The following SORCS2 variants were observed in gnomAD, a reference collection of about 807,000 sequenced individuals.
The protein encoded by SORCS2 is VPS10 domain-containing receptor SorCS2.
Under a neutral mutation model 141.6 loss-of-function variants are expected in SORCS2, and 100 were observed. The observed-to-expected ratio is 0.71, with a 90% CI of 0.60 to 0.83. The LOEUF (loss-of-function observed/expected upper bound fraction) is 0.83, where lower values mean the gene tolerates loss of function less well. Ranked by LOEUF, SORCS2 falls within the 40% of genes least tolerant of loss-of-function variation. The pLI, the probability that SORCS2 is intolerant of heterozygous loss-of-function variation, is 0.00. For missense variants in SORCS2, 1,646 were observed against 1,560.2 expected (o/e 1.05, Z -0.93); for synonymous variants, 789 against 676.9 (o/e 1.17, Z -2.57).
intron 11 of SORCS2, among the ~76,000 whole-genome samples, chr4:7,696,478 C>T (rs1485173761): frequency 1.3e-5 from 2 of 152,228 alleles, no homozygotes; most frequent in Non-Finnish European, 2.9e-5. Context: ...ACAGGAGACT[C>T]ACGTGGGTTC....
At chr4:7,466,941 T>C (rs1484287873) in intron 2 of SORCS2, among the ~76,000 whole-genome samples, 1 of 152,116 alleles carries the variant, frequency 6.6e-6, no homozygotes, top group Non-Finnish European at 1.5e-5. Flanking sequence ...CTGCTGCCTT[T>C]CTCTTTGGAG....
In SORCS2 at chr4:7,719,028, T is replaced by A. The variant is rs531782378; in HGVS notation, c.2424+845T>A. 2.6e-5 allele frequency among the ~76,000 whole-genome samples: 4 copies of A among 152,170 alleles called. No individual in the cohort carries two copies. In the South Asian group the frequency reaches 6.2e-4, roughly 24 times the overall value. On this transcript the variant is annotated intron_variant, in intron 18 of 26. Transcript: ENST00000507866. ...GATGACAGAAAAGGGCAAAAGAGGG[T>A]TCGATGCATCCGTGTCGCACCCGGA...
At chr4:7,250,257 A>AAG (rs1713402154) in intron 1 of SORCS2, among the ~76,000 whole-genome samples, 1 of 152,056 alleles carries the variant, frequency 6.6e-6, no homozygotes, top group South Asian at 2.1e-4. Context: ...GAAAGAAAGA[A>AAG]AGAAAGAAAG....
intron 1 of SORCS2, among the ~76,000 whole-genome samples, chr4:7,382,403 G>T (rs1723044139): frequency 6.6e-6 from 1 of 152,050 alleles, no homozygotes; most frequent in Non-Finnish European, 1.5e-5. Flanking sequence ...CAGGGTTAAT[G>T]CCCCTGTAAG....
At chr4:7,699,982 C>T (rs1724957787) in intron 12 of SORCS2, among the ~76,000 whole-genome samples, 1 of 152,188 alleles carries the variant, frequency 6.6e-6, no homozygotes, top group Non-Finnish European at 1.5e-5. Context: ...TGTGACTCCC[C>T]AATCAAGCCT....
At chr4:7,461,310 C>T (rs952933693) in intron 2 of SORCS2, among the ~76,000 whole-genome samples, 1 of 152,182 alleles carries the variant, frequency 6.6e-6, no homozygotes, top group African/African-American at 2.4e-5. Flanking sequence ...GGAGCCCCCG[C>T]CCTCCTTCCC....
chr4:7,260,374 T>G (rs1714237930), intron 1 of SORCS2, among the ~76,000 whole-genome samples: 1 of 151,686 alleles, frequency 6.6e-6, no homozygotes, highest in Non-Finnish European at 1.5e-5. Flanking sequence ...CCTCCAAGCC[T>G]CCTCCCACCT....
chr4:7,659,112 T>A (rs1426237485), intron 5 of SORCS2, among the ~76,000 whole-genome samples: 1 of 151,854 alleles, frequency 6.6e-6, no homozygotes, highest in East Asian at 1.9e-4. Flanking sequence ...TCCCAGGGAG[T>A]CTTGCTTTGC....
chr4:7,280,987 C>T lies in SORCS2; in HGVS notation c.480+87861C>T, dbSNP rs1458236805. Among the ~76,000 whole-genome samples the T allele has an allele frequency of 7.9e-5, 12 of 152,196 alleles. 1 individual carries two copies. Among genetic ancestry groups the T allele is most frequent in the Admixed American group, 3.9e-4 (6 of 15,278 alleles). ...GCCCTTTCTCCCACTGCCCAAAGAG[C>T]CCAGTGTGAGGACTTAATTAGTTGA... On this transcript the variant is annotated intron_variant, in intron 1 of 26. Coordinates refer to ENST00000507866, the MANE Select transcript of SORCS2 (RefSeq NM_020777.3).
intron 10 of SORCS2, among the ~76,000 whole-genome samples, chr4:7,687,256 C>T (rs190392128): frequency 7.9e-5 from 12 of 152,294 alleles, no homozygotes; most frequent in African/African-American, 2.6e-4. Flanking sequence ...ATTAGAGCTC[C>T]CTTCTGCAGC....
intron 1 of SORCS2, among the ~76,000 whole-genome samples, chr4:7,283,832 G>C (rs1716036981): frequency 6.6e-6 from 1 of 152,108 alleles, no homozygotes; most frequent in Non-Finnish European, 1.5e-5. Flanking sequence ...GGCAGGACCA[G>C]AACCTGGGGA....
At chr4:7,475,576 C>T (rs943165196) in intron 2 of SORCS2, among the ~76,000 whole-genome samples, 7 of 152,212 alleles carry the variant, frequency 4.6e-5, no homozygotes, top group Non-Finnish European at 1.0e-4. Context: ...CCCAGGGAAC[C>T]CAGGATCCTG....
At chr4:7,519,139 G>T (rs1316548885) in intron 2 of SORCS2, among the ~76,000 whole-genome samples, 1 of 152,214 alleles carries the variant, frequency 6.6e-6, no homozygotes, top group Non-Finnish European at 1.5e-5. Context: ...TCTGCTGGAG[G>T]TTGACAAGGC....
intron 1 of SORCS2, among the ~76,000 whole-genome samples, chr4:7,256,918 C>T (rs908218343): frequency 9.9e-5 from 15 of 152,120 alleles, no homozygotes; most frequent in Non-Finnish European, 1.6e-4. Context: ...GCACCGGCCC[C>T]AGCCACCCAT....
At chr4:7,394,494 C>T (rs1390788157) in intron 1 of SORCS2, among the ~76,000 whole-genome samples, 1 of 140,640 alleles carries the variant, frequency 7.1e-6, no homozygotes, top group Non-Finnish European at 1.5e-5. Context: ...GAAGGTTCAG[C>T]AGGAATTCAC....
intron 3 of SORCS2, among the ~76,000 whole-genome samples, chr4:7,637,783 A>G (rs1204893574): frequency 1.3e-5 from 2 of 151,742 alleles, no homozygotes; most frequent in African/African-American, 4.8e-5. Context: ...GTTGGGGGTG[A>G]ACCTGCCATT....
chr4:7,504,046 C>A (rs1577668615), intron 2 of SORCS2, among the ~76,000 whole-genome samples: 1 of 152,220 alleles, frequency 6.6e-6, no homozygotes, highest in Non-Finnish European at 1.5e-5. Context: ...GCTTTCCCAC[C>A]CCTGACCTCA....
rs748086651 is a variant in SORCS2, at chr4:7,714,277, G to C, written c.2027G>C (p.Arg676Pro). 1.2e-6 allele frequency: 2 copies of C among 1,610,170 alleles called. No individual in the cohort carries two copies. Among genetic ancestry groups the C allele is most frequent in the African/African-American group, 2.7e-5 (2 of 74,994 alleles). ...ATCATGGGCCAGCAGAGAAGTTTCC[G>C]GAAAAGAAAGTCCACGTCCTGGTGC... ...RCIMGQQRSFRKRKSTSWCIK... is the reference protein window; with the variant it reads ...RCIMGQQRSFPKRKSTSWCIK... The change falls in exon 16 of 27, where the codon CGG becomes CCG. Residue 676 changes from arginine to proline, a missense_variant. Transcript: ENST00000507866.
Position 7,740,496 on chromosome 4 carries a change from G to C in SORCS2, c.*232G>C, listed in dbSNP as rs1712584153. The C allele has an allele frequency of 7.1e-6, 4 of 560,588 alleles. 1 individual carries two copies. The South Asian group carries it at 8.4e-5, about 12-fold the overall frequency. 34.7% of individuals were successfully genotyped at this position (560,588 alleles called of 1,614,324 possible). On this transcript the variant is annotated 3_prime_UTR_variant, in exon 27 of 27. Coordinates refer to ENST00000507866, the MANE Select transcript of SORCS2 (RefSeq NM_020777.3). ...ATGGCCCTGCCCCTATGGGACACCA[G>C]GCCTGACTCAGGCAGGTTCTGCCCC...
Sources: allele counts gnomAD v4.1 joint callset (sites outside exome capture counted in the v4.1 genomes callset), GRCh38; gene constraint gnomAD v4.1.1; transcripts MANE v1.5; gene names NCBI Gene and HGNC (gene_info 2026-07-23, HGNC 2026-07-21).